RPS20: variants seen among roughly 807,000 people sequenced by gnomAD.
The protein encoded by RPS20 is small ribosomal subunit protein uS10.
RPS20 carries 3 observed loss-of-function variants against 15.3 expected under a neutral mutation model. The ratio of observed to expected loss-of-function variants is 0.20; its 90% CI spans 0.09 to 0.51. The LOEUF (loss-of-function observed/expected upper bound fraction) is 0.51, where lower values mean the gene tolerates loss of function less well. RPS20 is among the 20% of genes least tolerant of loss of function. The probability of loss-of-function intolerance (pLI) is 0.96; values close to 1 mark genes in which losing one functional copy is unlikely to be tolerated. For synonymous variants in RPS20, 62 were observed against 47.8 expected, an observed-to-expected ratio of 1.30 and a Z score of -1.23; for missense variants, 67 against 145.9, an observed-to-expected ratio of 0.46 and a Z score of 2.79.
In RPS20 at chr8:56,073,725, TTTGAGA is replaced by T; in HGVS notation, c.141_146del (p.Asn47_Leu48del). On this transcript the variant is annotated inframe_deletion, in exon 3 of 4. Transcript: ENST00000009589. ...TAGGCATTCGAACTGGTCCTTTCAC[TTTGAGA>T]TTCTTTTCTTTTGCGCCTCTTATCA... 1.2e-6 allele frequency: 2 copies of T among 1,614,160 alleles called. No individual in the cohort carries two copies. The highest frequency in any genetic ancestry group is 1.7e-6 in the Non-Finnish European group (2 of 1,179,976).
At position 56,074,065 on chromosome 8, in the gene RPS20, T is replaced by C. The variant is rs1210134279; in HGVS notation, c.98A>G (p.Glu33Gly). The C allele has an allele frequency of 6.2e-7, 1 of 1,613,358 alleles. No homozygotes were observed. The highest frequency in any genetic ancestry group is 1.7e-5 in the Admixed American group (1 of 60,026). The part of the protein sequence containing the change: ...TLTSRNVKSL[E>G]KVCADLIRGA... ...CGCATAACGAATGCACTGACCCTTTTCCAAGGATTTTACGTTGCGGCTTGT... is the reference window on the plus strand; with the variant it reads ...CGCATAACGAATGCACTGACCCTTTCCCAAGGATTTTACGTTGCGGCTTGT... The change falls in exon 2 of 4, where the codon GAA (glutamate) becomes GGA (glycine). Residue 33 changes from glutamate (E) to glycine (G), a missense_variant. Glu to Gly is a moderately conservative substitution (Grantham distance 98). Transcript: ENST00000009589.
At chr8:56,074,203 C>G in intron 1 of RPS20, 44 bp from the exon 2 acceptor site, 1 of 1,564,214 alleles carries the variant, frequency 6.4e-7, no homozygotes, top group Non-Finnish European at 8.7e-7. Flanking sequence ...CAAAAATGGT[C>G]TGCCACTTCT....
chr8:56,069,112 T>C (rs1317448493), downstream of RPS20, among the ~76,000 whole-genome samples: 1 of 152,016 alleles, frequency 6.6e-6, no homozygotes, highest in Admixed American at 6.6e-5. Flanking sequence ...AGTAAATAAA[T>C]AGCAGTTTAC....
rs908975116 is a variant in RPS20, at chr8:56,074,438, G to C, written c.-55C>G. 4 of 1,541,724 alleles carry C rather than the reference G, an allele frequency of 2.6e-6. No homozygotes were observed. The highest frequency in any genetic ancestry group is 1.4e-5 in the African/African-American group (1 of 73,318). On this transcript the variant is annotated 5_prime_UTR_variant, in exon 1 of 4. Coordinates refer to ENST00000009589, the MANE Select transcript of RPS20 (RefSeq NM_001023.4). Reference sequence around the variant, plus strand: ...TTGTTCCTCGGCGAGAGCGAACAGCGGTGAGTCAGGAGCAGGAGCGTGCGG... The same window carrying C: ...TTGTTCCTCGGCGAGAGCGAACAGCCGTGAGTCAGGAGCAGGAGCGTGCGG...
intron 2 of RPS20, 66 bp downstream of exon 2, chr8:56,073,994 T>C: frequency 7.7e-7 from 1 of 1,307,152 alleles, no homozygotes; most frequent in Non-Finnish European, 1.1e-6. Context: ...TACACTAACA[T>C]TAACGAGTAA....
At chr8:56,070,566 T>A (rs1809723901), downstream of RPS20, among the ~76,000 whole-genome samples, 1 of 151,346 alleles carries the variant, frequency 6.6e-6, no homozygotes, top group Non-Finnish European at 1.5e-5. Flanking sequence ...CAAGACCCCA[T>A]CTCCACAAAA....
Position 56,074,469 on chromosome 8 carries a change from A to C in RPS20, c.-86T>G. 6.9e-7 allele frequency: 1 copy of C among 1,459,564 alleles called. No homozygotes were observed. Among genetic ancestry groups the C allele is most frequent in the Non-Finnish European group, 9.2e-7 (1 of 1,082,960 alleles). 90.4% of individuals were successfully genotyped at this position (1,459,564 alleles called of 1,614,324 possible). On this transcript the variant is annotated 5_prime_UTR_variant, in exon 1 of 4. Transcript: ENST00000009589. The stretch of plus-strand genomic sequence containing the variant: ...TCAGGAGCAGGAGCGTGCGGACCAA[A>C]AATCCTCAGCCCTTACGACCGCGTC...
At chr8:56,071,668 T>C (rs986758274), downstream of RPS20, among the ~76,000 whole-genome samples, 3 of 152,192 alleles carry the variant, frequency 2.0e-5, no homozygotes, top group Non-Finnish European at 2.9e-5. Flanking sequence ...TTTAGACACA[T>C]TAGCTTTTCA....
downstream of RPS20, among the ~76,000 whole-genome samples, chr8:56,069,023 C>T (rs751374979): frequency 1.3e-4 from 20 of 150,608 alleles, no homozygotes; most frequent in Non-Finnish European, 2.7e-4. Flanking sequence ...GTCTCGAACT[C>T]CTGACCTCAG....
chr8:56,071,235 T>C (rs531011668), downstream of RPS20, among the ~76,000 whole-genome samples: 12 of 152,344 alleles, frequency 7.9e-5, no homozygotes, highest in Admixed American at 5.9e-4. Context: ...GTATATGTTC[T>C]CTGGACTTTA....
At chr8:56,072,110 A>G (rs1055166826), downstream of RPS20, among the ~76,000 whole-genome samples, 4 of 152,112 alleles carry the variant, frequency 2.6e-5, no homozygotes, top group African/African-American at 9.7e-5. Flanking sequence ...TGGTAGCCAC[A>G]TGCTTGTTAA....
intron 3 of RPS20, 52 bp downstream of exon 3, chr8:56,073,643 T>C (rs1293794571): frequency 3.4e-6 from 5 of 1,477,226 alleles, no homozygotes; most frequent in Non-Finnish European, 4.7e-6. Context: ...AACCTGAATT[T>C]ATGCAACATC....
At chr8:56,070,559 G>A (rs750211688), downstream of RPS20, among the ~76,000 whole-genome samples, 3 of 151,680 alleles carry the variant, frequency 2.0e-5, no homozygotes, top group Non-Finnish European at 4.4e-5. Context: ...AACATGGCAA[G>A]ACCCCATCTC....
In RPS20 at chr8:56,073,757, A is replaced by G; in HGVS notation, c.115T>C (p.Leu39=). ...TTCTTTTCTTTTGCGCCTCTTATCA[A>G]GTCAGCACACACTACAGGAAATAAA... ...VKSLEKVCAD[L]IRGAKEKNLK... is the part of the protein sequence containing the mutation. The change falls in exon 3 of 4, where the codon TTG becomes CTG. Residue 39 remains leucine (L), a synonymous_variant. Transcript: ENST00000009589. The G allele has an allele frequency of 6.2e-7, 1 of 1,614,094 alleles. No homozygotes were observed. The highest frequency in any genetic ancestry group is 8.5e-7 in the Non-Finnish European group (1 of 1,179,942).
chr8:56,072,062 G>A (rs188210821), downstream of RPS20, among the ~76,000 whole-genome samples: 38 of 152,040 alleles, frequency 2.5e-4, no homozygotes, highest in Non-Finnish European at 4.3e-4. Flanking sequence ...GGGCAACATG[G>A]CAAAACCTCA....
intron 2 of RPS20, 128 bp from the exon 3 acceptor site, chr8:56,073,896 T>C (rs1335340449): frequency 9.2e-7 from 1 of 1,081,936 alleles, no homozygotes; most frequent in Non-Finnish European, 1.4e-6. Context: ...TACCTCCTCA[T>C]CGCCAGCTGT....
chr8:56,068,552 A>C (rs1809668546), downstream of RPS20: 2 of 151,278 alleles, frequency 1.3e-5, no homozygotes. Context: ...AAAAAAAAAA[A>C]ATTAAGAGAA....
chr8:56,073,800 C>T (rs985092396), intron 2 of RPS20, 32 bp from the exon 3 acceptor site: 2 of 1,600,084 alleles, frequency 1.2e-6, no homozygotes, highest in Admixed American at 3.3e-5. Context: ...TCAGTATAAT[C>T]GAAACAATTA....
downstream of RPS20, chr8:56,072,931 G>C: frequency 7.3e-7 from 1 of 1,372,498 alleles, no homozygotes; most frequent in Non-Finnish European, 9.4e-7. Flanking sequence ...TGACTCAAAC[G>C]ACAACGAAAA....
Sources: gnomAD v4.1 joint callset for allele counts (sites outside exome capture counted in the v4.1 genomes callset) on GRCh38, gnomAD v4.1.1 for gene constraint, MANE v1.5 for transcripts, NCBI Gene and HGNC (gene_info 2026-07-23, HGNC 2026-07-21) for gene names.